Variants in ZNF536 observed in about 807,000 individuals in gnomAD.
ZNF536 encodes the protein zinc finger protein 536.
A neutral mutation model predicts 84.5 loss-of-function variants in ZNF536; 13 were observed. That is an observed-to-expected ratio of 0.15 (90% CI 0.10 to 0.24). The LOEUF (loss-of-function observed/expected upper bound fraction) is 0.24. ZNF536 is among the 10% of genes least tolerant of loss of function. The pLI is 1.00. For missense variants in ZNF536, 1,536 were observed against 1,747.5 expected (o/e 0.88, Z 2.16); for synonymous variants, 811 against 742.5 (o/e 1.09, Z -1.50).
chr19:30,545,324 C>A (rs2045498843), intron 3 of ZNF536, among the ~76,000 whole-genome samples: 1 of 150,514 alleles, frequency 6.6e-6, no homozygotes, highest in African/African-American at 2.4e-5. Context: ...TGGTGTCTTA[C>A]CACACTCCCC....
At chr19:30,481,028 C>CAAA (rs55924638) in intron 2 of ZNF536, among the ~76,000 whole-genome samples, 1 of 114,158 alleles carries the variant, frequency 8.8e-6, no homozygotes. Flanking sequence ...GACCCTGTCT[C>CAAA]AAAAAAAAAA....
intron 1 of ZNF536, among the ~76,000 whole-genome samples, chr19:30,633,912 T>G (rs1375703778): frequency 2.0e-5 from 3 of 152,164 alleles, no homozygotes; most frequent in Non-Finnish European, 4.4e-5. Context: ...ATCTTTAATT[T>G]TAAAGATGTC....
At chr19:30,549,634 A>C in intron 4 of ZNF536, 120 bp downstream of exon 4, 1 of 1,155,326 alleles carries the variant, frequency 8.7e-7, no homozygotes, top group Non-Finnish European at 1.2e-6. Context: ...ATTTGAAAAA[A>C]CCCTCAATGC....
chr19:30,608,645 T>G (rs1599981781), intron 1 of ZNF536, among the ~76,000 whole-genome samples: 1 of 152,146 alleles, frequency 6.6e-6, no homozygotes, highest in South Asian at 2.1e-4. Context: ...CTGGGTGAGG[T>G]TCCTGGCTCT....
chr19:30,677,453 G>A (rs147083290), intron 1 of ZNF536, among the ~76,000 whole-genome samples: 1 of 152,318 alleles, frequency 6.6e-6, no homozygotes, highest in East Asian at 1.9e-4. Flanking sequence ...GCCACCCTTG[G>A]CCATCCACCT....
At chr19:30,257,578 A>C (rs143897092) in intron 1 of ZNF536, among the ~76,000 whole-genome samples, 134 of 152,372 alleles carry the variant, frequency 8.8e-4, no homozygotes, top group Middle Eastern at 6.8e-3. Context: ...AGTGAACTCC[A>C]GGATCCTGAG....
At chr19:30,492,523 G>C (rs557739421) in intron 2 of ZNF536, among the ~76,000 whole-genome samples, 29 of 152,230 alleles carry the variant, frequency 1.9e-4, no homozygotes, top group Admixed American at 1.4e-3. Context: ...TCCTTTGAAA[G>C]GTCAGATAGT....
chr19:30,610,010 C>A (rs148138471), intron 1 of ZNF536, among the ~76,000 whole-genome samples: 40 of 152,254 alleles, frequency 2.6e-4, no homozygotes, highest in African/African-American at 8.9e-4. Flanking sequence ...ATCCATTCAT[C>A]CATCCATCCA....
intron 3 of ZNF536, among the ~76,000 whole-genome samples, chr19:30,535,619 T>C (rs1014375308): frequency 8.5e-5 from 13 of 152,142 alleles, no homozygotes; most frequent in South Asian, 2.1e-4. Flanking sequence ...TTCTCATGTT[T>C]TGGCGTCATA....
intron 2 of ZNF536, among the ~76,000 whole-genome samples, chr19:30,319,606 T>C (rs1020294774): frequency 6.6e-6 from 1 of 152,232 alleles, no homozygotes; most frequent in African/African-American, 2.4e-5. Flanking sequence ...GTTTAAAGAA[T>C]GAAGTCCTAA....
chr19:30,382,744 T>A (rs2049071143), intron 1 of ZNF536, among the ~76,000 whole-genome samples: 1 of 152,154 alleles, frequency 6.6e-6, no homozygotes, highest in African/African-American at 2.4e-5. Context: ...GGATCCCATG[T>A]GATCTACATG....
intron 2 of ZNF536, among the ~76,000 whole-genome samples, chr19:30,488,746 C>T (rs1686581512): frequency 6.6e-6 from 1 of 152,168 alleles, no homozygotes; most frequent in African/African-American, 2.4e-5. Flanking sequence ...GTTGCAAATG[C>T]ACAGCCTCCC....
chr19:30,247,503 T>G (rs947914157), intron 1 of ZNF536, among the ~76,000 whole-genome samples: 2 of 152,076 alleles, frequency 1.3e-5, no homozygotes, highest in African/African-American at 2.4e-5. Context: ...CTCTGATGGG[T>G]TACACCTCGA....
intron 1 of ZNF536, among the ~76,000 whole-genome samples, chr19:30,618,654 A>G (rs542958762): frequency 3.3e-5 from 5 of 152,196 alleles, no homozygotes; most frequent in African/African-American, 1.2e-4. Flanking sequence ...TTCTCCATTA[A>G]TAGTATAGAA....
intron 1 of ZNF536, among the ~76,000 whole-genome samples, chr19:30,262,789 G>A (rs575587902): frequency 1.3e-5 from 2 of 152,312 alleles, no homozygotes; most frequent in East Asian, 3.9e-4. Context: ...TGCCCACACT[G>A]CCTCCTTGTT....
rs183869214 is a variant in ZNF536 at position 30,543,787 on chromosome 19, T to G, written c.2324-4156T>G. ...CCAACGTTGTAAGTAGTTTGCCTCC[T>G]GAGCACTCTGAAATGGGCCCTCTGA... On this transcript the variant is annotated intron_variant, in intron 3 of 4. Coordinates refer to ENST00000355537, the MANE Select transcript of ZNF536 (RefSeq NM_014717.3). Among the ~76,000 whole-genome samples the G allele has an allele frequency of 2.8e-3, 425 of 152,300 alleles. 1 individual carries two copies. The highest frequency in any genetic ancestry group is 4.2e-3 in the Non-Finnish European group (284 of 68,020).
At chr19:30,394,057 G>A (rs566559686) in intron 1 of ZNF536, among the ~76,000 whole-genome samples, 2 of 152,178 alleles carry the variant, frequency 1.3e-5, no homozygotes, top group East Asian at 3.9e-4. Context: ...CAGTAGGGAA[G>A]GGCACGTGCA....
downstream of ZNF536, among the ~76,000 whole-genome samples, chr19:30,562,670 G>T (rs1373997392): frequency 6.6e-6 from 1 of 152,084 alleles, no homozygotes; most frequent in South Asian, 2.1e-4. Flanking sequence ...TTCCCTTTTG[G>T]ATAAAAGTGC....
At chr19:30,563,762 C>T (rs909869591) in intron 1 of ZNF536, among the ~76,000 whole-genome samples, 1 of 152,186 alleles carries the variant, frequency 6.6e-6, no homozygotes, top group Admixed American at 6.5e-5. Context: ...GCTGACCTCA[C>T]ATCCCAGAAG....
Sources: gnomAD v4.1 joint callset for allele counts (sites outside exome capture counted in the v4.1 genomes callset) on GRCh38, gnomAD v4.1.1 for gene constraint, MANE v1.5 for transcripts, NCBI Gene and HGNC (gene_info 2026-07-23, HGNC 2026-07-21) for gene names.